The following PABPC4L variants were observed in gnomAD, a reference collection of about 807,000 sequenced individuals.
PABPC4L encodes the protein polyadenylate-binding protein 4-like.
For synonymous variants in PABPC4L, 169 were observed against 164.1 expected (o/e 1.03, Z -0.23); for missense variants, 452 against 451.4 (o/e 1.00, Z -0.01).
At chr4:133,958,331 C>T in the PABPC4L span, among the ~76,000 whole-genome samples, 1 of 152,172 alleles carries the variant, frequency 6.6e-6, no homozygotes, top group Non-Finnish European at 1.5e-5. Context: ...CTACCTCAAC[C>T]TGGACATCAT....
At chr4:134,177,733 C>G in the PABPC4L span, among the ~76,000 whole-genome samples, 2 of 152,116 alleles carry the variant, frequency 1.3e-5, no homozygotes, top group Non-Finnish European at 2.9e-5. Flanking sequence ...GCACATGACA[C>G]CACCTGGCCC....
chr4:133,968,159 A>G, the PABPC4L span, among the ~76,000 whole-genome samples: 1 of 152,208 alleles, frequency 6.6e-6, no homozygotes, highest in Non-Finnish European at 1.5e-5. Flanking sequence ...CTAATGGCAT[A>G]GGGAACTAGA....
At chr4:134,008,094 T>C in the PABPC4L span, among the ~76,000 whole-genome samples, 1 of 151,768 alleles carries the variant, frequency 6.6e-6, no homozygotes, top group African/African-American at 2.4e-5. Flanking sequence ...TGCTCTCCAC[T>C]CTTAAGTTAA....
the PABPC4L span, among the ~76,000 whole-genome samples, chr4:134,116,610 T>C: frequency 6.6e-6 from 1 of 151,844 alleles, no homozygotes; most frequent in African/African-American, 2.4e-5. Flanking sequence ...GCTCCTAATA[T>C]GGCTATTTTT....
chr4:134,058,881 A>G, the PABPC4L span, among the ~76,000 whole-genome samples: 3 of 152,068 alleles, frequency 2.0e-5, no homozygotes, highest in African/African-American at 7.2e-5. Context: ...CAGTGAAATT[A>G]TAGAAGAGTA....
chr4:134,029,623 T>C, the PABPC4L span, among the ~76,000 whole-genome samples: 1 of 151,884 alleles, frequency 6.6e-6, no homozygotes, highest in African/African-American at 2.4e-5. Context: ...ATTCATTATT[T>C]TCAGTTATTT....
chr4:134,053,344 T>C, the PABPC4L span, among the ~76,000 whole-genome samples: 1 of 152,124 alleles, frequency 6.6e-6, no homozygotes, highest in Non-Finnish European at 1.5e-5. Flanking sequence ...CACCCTTGTT[T>C]ACTGAGATAG....
chr4:134,172,700 A>C, the PABPC4L span, among the ~76,000 whole-genome samples: 4 of 152,006 alleles, frequency 2.6e-5, no homozygotes, highest in Admixed American at 2.6e-4. Context: ...CACAGTAAAA[A>C]AAACTATCTA....
At chr4:134,123,068 T>C in the PABPC4L span, among the ~76,000 whole-genome samples, 1 of 152,002 alleles carries the variant, frequency 6.6e-6, no homozygotes, top group Non-Finnish European at 1.5e-5. Flanking sequence ...AATACAGGGT[T>C]AGGTACCTGT....
chr4:134,044,685 T>C, the PABPC4L span, among the ~76,000 whole-genome samples: 1 of 152,298 alleles, frequency 6.6e-6, no homozygotes, highest in East Asian at 1.9e-4. Context: ...AAATTCAGAG[T>C]ACCTGAACAT....
chr4:134,136,883 T>G, the PABPC4L span, among the ~76,000 whole-genome samples: 1 of 152,080 alleles, frequency 6.6e-6, no homozygotes, highest in Non-Finnish European at 1.5e-5. Flanking sequence ...CTGAGGACAG[T>G]TTATTTTCTC....
the PABPC4L span, among the ~76,000 whole-genome samples, chr4:134,141,515 T>G: frequency 9.3e-5 from 14 of 150,200 alleles, no homozygotes; most frequent in African/African-American, 3.4e-4. Flanking sequence ...TATATGTAAT[T>G]ATAATATTTT....
chr4:134,112,114 T>C, the PABPC4L span, among the ~76,000 whole-genome samples: 1 of 151,896 alleles, frequency 6.6e-6, no homozygotes, highest in Non-Finnish European at 1.5e-5. Flanking sequence ...AATATAGTCA[T>C]TAGTGAAGAA....
At chr4:134,159,224 T>C in the PABPC4L span, among the ~76,000 whole-genome samples, 1 of 152,092 alleles carries the variant, frequency 6.6e-6, no homozygotes, top group African/African-American at 2.4e-5. Flanking sequence ...TCTTCAATAA[T>C]AAACGTAGGT....
chr4:134,072,010 A>G, the PABPC4L span, among the ~76,000 whole-genome samples: 2 of 151,792 alleles, frequency 1.3e-5, no homozygotes, highest in Admixed American at 6.6e-5. Flanking sequence ...AAAAGAATAC[A>G]TGACATCATG....
At chr4:134,059,296 G>A in the PABPC4L span, among the ~76,000 whole-genome samples, 2 of 150,640 alleles carry the variant, frequency 1.3e-5, no homozygotes, top group South Asian at 4.2e-4. Context: ...TCGTCGGAAA[G>A]TTGAGTAAAG....
At chr4:134,067,648 T>G in the PABPC4L span, among the ~76,000 whole-genome samples, 1 of 152,098 alleles carries the variant, frequency 6.6e-6, no homozygotes, top group African/African-American at 2.4e-5. Flanking sequence ...TTTCTGACTT[T>G]TTGATGTGTG....
chr4:134,127,860 G>C, the PABPC4L span, among the ~76,000 whole-genome samples: 1 of 151,960 alleles, frequency 6.6e-6, no homozygotes, highest in African/African-American at 2.4e-5. Context: ...AATCAAGGAG[G>C]CACCAGAGAA....
the PABPC4L span, among the ~76,000 whole-genome samples, chr4:133,961,945 A>T: frequency 6.6e-6 from 1 of 152,140 alleles, no homozygotes; most frequent in African/African-American, 2.4e-5. Flanking sequence ...ATTCCTTGGA[A>T]TCCATGAGGC....
Sources: allele counts gnomAD v4.1 joint callset (sites outside exome capture counted in the v4.1 genomes callset), GRCh38; gene constraint gnomAD v4.1.1; transcripts MANE v1.5; gene names NCBI Gene and HGNC (gene_info 2026-07-23, HGNC 2026-07-21).